HEBP1: variants seen among roughly 807,000 people sequenced by gnomAD.
HEBP1 encodes the protein heme binding protein 1, also known as heme-binding protein 1.
A neutral mutation model predicts 20.4 loss-of-function variants in HEBP1; 13 were observed. The ratio of observed to expected loss-of-function variants is 0.64; its 90% confidence interval spans 0.42 to 1.01. HEBP1 has a LOEUF of 1.01. HEBP1 is among the 50% of genes least tolerant of loss of function. The probability of loss-of-function intolerance (pLI) is 0.00; values close to 1 mark genes in which losing one functional copy is unlikely to be tolerated. For missense variants in HEBP1, 241 were observed against 247.3 expected, an observed-to-expected ratio of 0.97 and a Z score of 0.17; for synonymous variants, 92 against 90.7, an observed-to-expected ratio of 1.01 and a Z score of -0.08.
chr12:12,992,932 C>T (rs1191514491), intron 1 of HEBP1, among the ~76,000 whole-genome samples: 1 of 152,118 alleles, frequency 6.6e-6, no homozygotes, highest in Non-Finnish European at 1.5e-5. Context: ...CTAAGTTGCT[C>T]AAAGTGATGT....
intron 3 of HEBP1, chr12:12,977,693 TACCTTGTAA>T (rs1864010182): frequency 1.3e-5 from 2 of 152,230 alleles, no homozygotes; most frequent in African/African-American, 4.8e-5. Flanking sequence ...AATGCTTTGT[TACCTTGTAA>T]ACCCCATTCT....
rs1864157625 is a variant in HEBP1 at position 12,986,770 on chromosome 12, G to A, written c.398+382C>T. On this transcript the variant is annotated intron_variant, in intron 3 of 3. Coordinates refer to ENST00000014930, the MANE Select transcript of HEBP1 (RefSeq NM_015987.5). This position sits in a 1 kb window ranked among gnomAD's most constrained non-coding sequence, Gnocchi z 4.3. ...CTGCTCTCTGGCATTCAAAGGGAGT[G>A]TGGGGTAGAAATCAGGTATTCCTCA... 1 of 165,184 alleles carries A rather than the reference G, an allele frequency of 6.1e-6. No homozygotes were observed. 10.2% of individuals were successfully genotyped at this position (165,184 alleles called of 1,614,324 possible).
chr12:13,000,140 A>T lies in HEBP1; in HGVS notation c.-26T>A. The T allele has an allele frequency of 6.4e-7, 1 of 1,565,566 alleles. No individual in the cohort carries two copies. The highest frequency in any genetic ancestry group is 8.7e-7 in the Non-Finnish European group (1 of 1,147,414). ...GTTGTAGCCGAGACGCTCCCGACGC[A>T]CGGGAGGACGTGAGGTGGCGGGGGC... On this transcript the variant is annotated 5_prime_UTR_variant, in exon 1 of 4. Coordinates refer to ENST00000014930, the MANE Select transcript of HEBP1 (RefSeq NM_015987.5).
chr12:12,984,902 AG>A (rs1404190938), intron 3 of HEBP1, among the ~76,000 whole-genome samples: 13 of 152,360 alleles, frequency 8.5e-5, no homozygotes, highest in African/African-American at 3.1e-4. Flanking sequence ...CTGTAATCCC[AG>A]CACTTTGGGA....
At chr12:12,997,236 C>G (rs1426965928) in intron 1 of HEBP1, among the ~76,000 whole-genome samples, 2 of 152,004 alleles carry the variant, frequency 1.3e-5, no homozygotes, top group Non-Finnish European at 2.9e-5. Context: ...TCCCAGAGGC[C>G]CCAAATTAAC....
At chr12:12,991,938 A>G (rs543589759) in intron 1 of HEBP1, among the ~76,000 whole-genome samples, 3 of 152,372 alleles carry the variant, frequency 2.0e-5, no homozygotes, top group South Asian at 4.1e-4. Context: ...GGCAGAAACT[A>G]TACCACAGAG....
intron 3 of HEBP1, among the ~76,000 whole-genome samples, chr12:12,977,096 A>C (rs1488515246): frequency 1.3e-5 from 2 of 152,210 alleles, no homozygotes; most frequent in Non-Finnish European, 2.9e-5. Flanking sequence ...GTGCTCCTCA[A>C]ATGTCTTCCT....
At chr12:12,999,180 G>GC (rs1307219113) in intron 1 of HEBP1, among the ~76,000 whole-genome samples, 3 of 152,118 alleles carry the variant, frequency 2.0e-5, no homozygotes, top group Non-Finnish European at 2.9e-5. Context: ...TACCTTCCAA[G>GC]CCCCCCAGTG....
At chr12:12,991,506 A>G (rs922937398) in intron 1 of HEBP1, among the ~76,000 whole-genome samples, 14 of 152,144 alleles carry the variant, frequency 9.2e-5, no homozygotes, top group African/African-American at 3.4e-4. Flanking sequence ...TCCTTGGACT[A>G]TCCTTTCCCT....
rs1863965819 is a variant in HEBP1 at position 12,975,412 on chromosome 12, C to G, written c.466G>C (p.Glu156Gln). 3 of 1,613,312 alleles carry G rather than the reference C, an allele frequency of 1.9e-6. No homozygotes were observed. The highest frequency in any genetic ancestry group is 2.7e-5 in the African/African-American group (2 of 74,986). Residue 156 changes from glutamate (E) to glutamine (Q), a missense_variant, in exon 4 of 4, where the codon GAG (glutamate) becomes CAG (glutamine). Transcript: ENST00000014930. ...AQATRLRAALEGTATYRGDIY... is the reference protein window; with the variant it reads ...AQATRLRAALQGTATYRGDIY... ...TCCCCCCGGTAGGTGGCTGTGCCCT[C>G]CAGGGCAGCACGCAGACGGGTGGCT...
intron 1 of HEBP1, 67 bp downstream of exon 1, chr12:12,999,970 C>T: frequency 1.8e-6 from 2 of 1,123,538 alleles, no homozygotes; most frequent in Middle Eastern, 2.0e-4. Context: ...GCACCCGCTG[C>T]AGCCCCGACG....
chr12:12,997,204 G>A (rs750400997), intron 1 of HEBP1, among the ~76,000 whole-genome samples: 1 of 152,186 alleles, frequency 6.6e-6, no homozygotes, highest in Non-Finnish European at 1.5e-5. Context: ...GAGAGAAGAT[G>A]CTTATTAGGG....
In HEBP1 at chr12:12,983,806, C is replaced by T. The variant is rs1864117069; in HGVS notation, c.398+3346G>A. The T allele has an allele frequency of 6.6e-6, 3 of 455,712 alleles. 1 individual carries two copies. The highest frequency in any genetic ancestry group is 4.7e-5 in the South Asian group (3 of 64,476). The allele number at this position is 455,712 out of a possible 1,614,324, so 28.2% of individuals were successfully genotyped here. A position where few individuals can be genotyped will look rare whatever the true frequency, so the allele number is the denominator to read the frequency against. The stretch of plus-strand genomic sequence containing the variant: ...CTTTGATAGTACCCGTATACCCCTT[C>T]CCACCATAAGAAACCAGCGTTCCTT... On this transcript the variant is annotated intron_variant, in intron 3 of 3. Transcript: ENST00000014930.
chr12:12,980,282 A>G (rs1864061034), intron 3 of HEBP1: 1 of 152,220 alleles, frequency 6.6e-6, no homozygotes, highest in African/African-American at 2.4e-5. Context: ...TAAGAGCTGT[A>G]AGGATGATAA....
At chr12:12,997,373 G>A (rs1261566743) in intron 1 of HEBP1, among the ~76,000 whole-genome samples, 4 of 152,200 alleles carry the variant, frequency 2.6e-5, no homozygotes, top group African/African-American at 7.2e-5. Flanking sequence ...GCCAGCAGGG[G>A]ACAGAGAGGC....
rs960234628 is a variant in HEBP1 at position 12,996,553 on chromosome 12, G to A, written c.78+3484C>T. Reference sequence around the variant, plus strand: ...ATGGTATGCCATCATTTGCCCAGGAGAGTGGACAATAGTTTCTGACCCAGG... The same window carrying A: ...ATGGTATGCCATCATTTGCCCAGGAAAGTGGACAATAGTTTCTGACCCAGG... On this transcript the variant is annotated intron_variant, in intron 1 of 3. Transcript: ENST00000014930. The surrounding 1 kb of genome is among the most constrained non-coding windows in gnomAD (Gnocchi z 4.1). Among the ~76,000 whole-genome samples the A allele has an allele frequency of 1.3e-5, 2 of 152,154 alleles. No individual in the cohort carries two copies. The highest frequency in any genetic ancestry group is 6.6e-5 in the Admixed American group (1 of 15,266).
chr12:12,996,160 A>G lies in HEBP1; in HGVS notation c.78+3877T>C, dbSNP rs186173451. Among the ~76,000 whole-genome samples, 2 of 152,284 alleles carry G rather than the reference A, an allele frequency of 1.3e-5. No individual in the cohort carries two copies. The highest frequency in any genetic ancestry group is 2.1e-4 in the South Asian group (1 of 4,822). On this transcript the variant is annotated intron_variant, in intron 1 of 3. Transcript: ENST00000014930. The surrounding 1 kb of genome is among the most constrained non-coding windows in gnomAD (Gnocchi z 4.1). The stretch of plus-strand genomic sequence containing the variant: ...ATTCATTCATTCAATTTCTCCAATA[A>G]CCCTGTGAAGAAGTTAGGGCTTTAA...
chr12:12,999,997 G>T, intron 1 of HEBP1, 40 bp downstream of exon 1: 4 of 1,434,988 alleles, frequency 2.8e-6, no homozygotes, highest in Non-Finnish European at 2.9e-6. Context: ...GGGGTGGGAG[G>T]CAGCAATCCT....
At chr12:12,982,352 G>C (rs1864097262) in intron 3 of HEBP1, among the ~76,000 whole-genome samples, 2 of 152,340 alleles carry the variant, frequency 1.3e-5, no homozygotes, top group South Asian at 4.1e-4. Flanking sequence ...ATCAAAGTGA[G>C]GGGGCAAAGC....
Sources: allele counts gnomAD v4.1 joint callset (sites outside exome capture counted in the v4.1 genomes callset), GRCh38; gene constraint gnomAD v4.1.1; non-coding constraint Gnocchi (gnomAD v3.1); transcripts MANE v1.5; gene names NCBI Gene and HGNC (gene_info 2026-07-23, HGNC 2026-07-21).